The following EDIL3 variants were observed in gnomAD, a reference collection of about 807,000 sequenced individuals.
EDIL3 encodes EGF-like repeat and discoidin I-like domain-containing protein 3.
EDIL3 carries 37 observed loss-of-function variants against 67.4 expected under a neutral mutation model. The observed-to-expected ratio is 0.55, with a 90% CI of 0.42 to 0.72. EDIL3 has a LOEUF of 0.72. EDIL3 is among the 30% of genes least tolerant of loss of function. EDIL3 has a pLI of 0.00. For missense variants in EDIL3, 527 were observed against 586.3 expected (o/e 0.90, Z 1.04); for synonymous variants, 195 against 196.3 (o/e 0.99, Z 0.05).
At chr5:83,982,224 T>C (rs1182381874) in intron 9 of EDIL3, among the ~76,000 whole-genome samples, 1 of 152,120 alleles carries the variant, frequency 6.6e-6, no homozygotes, top group African/African-American at 2.4e-5. Context: ...GCTTTTCTTA[T>C]ATGGCATAAT....
chr5:84,380,882 A>G, intron 1 of EDIL3, among the ~76,000 whole-genome samples: 2 of 152,132 alleles, frequency 1.3e-5, no homozygotes, highest in South Asian at 4.1e-4. Context: ...ACATTGCTAT[A>G]ATTTTATTAG....
At chr5:84,141,906 C>CATATATATATATATATAT (rs1178660927) in intron 4 of EDIL3, among the ~76,000 whole-genome samples, 2 of 96,856 alleles carry the variant, frequency 2.1e-5, no homozygotes, top group African/African-American at 7.2e-5. Context: ...ACAAACTACT[C>CATATATATATATATATAT]ATATATATAT....
intron 9 of EDIL3, among the ~76,000 whole-genome samples, chr5:83,998,131 C>T (rs372898550): frequency 9.9e-5 from 15 of 152,276 alleles, no homozygotes; most frequent in South Asian, 2.1e-4. Flanking sequence ...GGGGCACACA[C>T]GGCCCAGTGA....
intron 1 of EDIL3, among the ~76,000 whole-genome samples, chr5:84,318,513 A>G (rs1005707143): frequency 6.6e-6 from 1 of 152,124 alleles, no homozygotes; most frequent in Admixed American, 6.6e-5. Flanking sequence ...CACATCTACA[A>G]CCATCTGATC....
intron 1 of EDIL3, among the ~76,000 whole-genome samples, chr5:84,324,678 GA>G (rs1163764888): frequency 8.6e-5 from 13 of 150,652 alleles, no homozygotes; most frequent in Non-Finnish European, 1.3e-4. Flanking sequence ...GACAAACTAA[GA>G]AAAAAAAGAA....
chr5:83,943,336 G>A lies in EDIL3; in HGVS notation c.*83C>T. On this transcript the variant is annotated 3_prime_UTR_variant, in exon 11 of 11. Transcript: ENST00000296591. Reference sequence around the variant, plus strand: ...ATGAAAAAAAAAAAAAAACCATTCAGTTTCCTACAGATTTTGCACAGTTCA... The same window carrying A: ...ATGAAAAAAAAAAAAAAACCATTCAATTTCCTACAGATTTTGCACAGTTCA... The A allele has an allele frequency of 6.7e-7, 1 of 1,483,344 alleles. No individual in the cohort carries two copies. The allele number at this position is 1,483,344 out of a possible 1,614,324, so 91.9% of individuals were successfully genotyped here. A position where few individuals can be genotyped will look rare whatever the true frequency, so the allele number is the denominator to read the frequency against.
chr5:84,220,028 T>A (rs1427611409), intron 3 of EDIL3, among the ~76,000 whole-genome samples: 1 of 152,030 alleles, frequency 6.6e-6, no homozygotes, highest in East Asian at 1.9e-4. Context: ...ATAGAATGAA[T>A]AAGATCTAAA....
At chr5:84,342,536 T>C (rs1182906668) in intron 1 of EDIL3, among the ~76,000 whole-genome samples, 1 of 152,024 alleles carries the variant, frequency 6.6e-6, no homozygotes, top group Non-Finnish European at 1.5e-5. Flanking sequence ...ATCCATGTAA[T>C]AAAATTACAG....
At chr5:84,024,776 C>T (rs1745782098) in intron 9 of EDIL3, among the ~76,000 whole-genome samples, 1 of 149,130 alleles carries the variant, frequency 6.7e-6, no homozygotes, top group Admixed American at 6.8e-5. Flanking sequence ...GGCCCATTAG[C>T]ACCCTTAAGA....
chr5:84,170,803 T>A lies in EDIL3; in HGVS notation c.355+9590A>T, dbSNP rs367929924. Among the ~76,000 whole-genome samples the A allele has an allele frequency of 3.2e-3, 485 of 152,226 alleles. 1 individual carries two copies. Among genetic ancestry groups the A allele is most frequent in the Non-Finnish European group, 5.3e-3 (361 of 68,010 alleles). ...TTTATTTTATTTTAATTAATTAATT[T>A]ATTTATTTACAGACAGAGTCTTGTT... On this transcript the variant is annotated intron_variant, in intron 4 of 10. Transcript: ENST00000296591.
intron 4 of EDIL3, among the ~76,000 whole-genome samples, chr5:84,138,340 A>G (rs1462501993): frequency 3.3e-5 from 5 of 152,208 alleles, no homozygotes; most frequent in Non-Finnish European, 7.3e-5. Context: ...CTTGTCAGAA[A>G]GTGAGCTCCA....
At chr5:84,371,341 A>ATATATATATATATATATGTGTGTG (rs1008172581) in intron 1 of EDIL3, among the ~76,000 whole-genome samples, 1 of 129,694 alleles carries the variant, frequency 7.7e-6, no homozygotes, top group African/African-American at 2.7e-5. Context: ...ATATATATAT[A>ATATATATATATATATATGTGTGTG]TGTGTGTGTG....
At chr5:84,243,079 G>A (rs542963280) in intron 2 of EDIL3, among the ~76,000 whole-genome samples, 65 of 152,140 alleles carry the variant, frequency 4.3e-4, no homozygotes, top group African/African-American at 1.5e-3. Flanking sequence ...TTATGTGTGT[G>A]TGTGTGTGTG....
intron 9 of EDIL3, among the ~76,000 whole-genome samples, chr5:84,003,043 G>A (rs2112171553): frequency 6.6e-6 from 1 of 152,262 alleles, no homozygotes; most frequent in Middle Eastern, 3.4e-3. Context: ...CTGTTGTAGT[G>A]CTACCCATCT....
At position 84,045,790 on chromosome 5, in the gene EDIL3, T is replaced by C. The variant is rs139214861; in HGVS notation, c.1137+14510A>G. On this transcript the variant is annotated intron_variant, in intron 9 of 10. Transcript: ENST00000296591. Reference sequence around the variant, plus strand: ...CTTGCACAAATGCTAATTGTATTAATTAAAAAGAAATGAATGCAAAATTTT... The same window carrying C: ...CTTGCACAAATGCTAATTGTATTAACTAAAAAGAAATGAATGCAAAATTTT... Among the ~76,000 whole-genome samples, 335 of 152,322 alleles carry C rather than the reference T, an allele frequency of 2.2e-3. 2 individuals are homozygous for C. Among genetic ancestry groups the C allele is most frequent in the African/African-American group, 7.8e-3 (326 of 41,578 alleles).
intron 9 of EDIL3, among the ~76,000 whole-genome samples, chr5:83,989,479 T>C (rs1745112626): frequency 6.6e-6 from 1 of 152,224 alleles, no homozygotes; most frequent in Admixed American, 6.5e-5. Flanking sequence ...TATGCATTGC[T>C]CCTTATCTCC....
intron 6 of EDIL3, among the ~76,000 whole-genome samples, chr5:84,078,282 G>A (rs1184422418): frequency 6.6e-6 from 1 of 151,992 alleles, no homozygotes; most frequent in Middle Eastern, 3.2e-3. Flanking sequence ...AAAATATAAA[G>A]TGTACCTGTG....
intron 3 of EDIL3, among the ~76,000 whole-genome samples, chr5:84,226,782 T>A (rs1482183863): frequency 6.6e-6 from 1 of 151,964 alleles, no homozygotes; most frequent in Admixed American, 6.6e-5. Context: ...AAACATCTGC[T>A]CATATCTAGA....
intron 6 of EDIL3, among the ~76,000 whole-genome samples, chr5:84,091,061 T>C (rs1378432815): frequency 6.6e-6 from 1 of 152,162 alleles, no homozygotes; most frequent in African/African-American, 2.4e-5. Context: ...CAGTGTCCAC[T>C]GCTCCCCCTC....
Sources: allele counts gnomAD v4.1 joint callset (sites outside exome capture counted in the v4.1 genomes callset), GRCh38; gene constraint gnomAD v4.1.1; transcripts MANE v1.5; gene names NCBI Gene and HGNC (gene_info 2026-07-23, HGNC 2026-07-21).